CUL3: variants seen among roughly 807,000 people sequenced by gnomAD.
CUL3 encodes cullin 3, also known as cullin-3.
A neutral mutation model predicts 89.1 loss-of-function variants in CUL3; 19 were observed. That is an observed-to-expected ratio of 0.21 (90% confidence interval 0.15 to 0.31). CUL3 has a LOEUF of 0.31. Among genes scored for constraint, CUL3 ranks in the 10% least tolerant of loss-of-function variants. The pLI is 1.00. For missense variants in CUL3, 469 were observed against 942.3 expected, an observed-to-expected ratio of 0.50 and a Z score of 6.58; for synonymous variants, 351 against 308.4, an observed-to-expected ratio of 1.14 and a Z score of -1.45.
intron 13 of CUL3, among the ~76,000 whole-genome samples, chr2:224,493,965 A>G (rs553003088): frequency 6.6e-6 from 1 of 152,296 alleles, no homozygotes; most frequent in South Asian, 2.1e-4. Flanking sequence ...ATAAAATAAA[A>G]ATAAAAGTAA....
intron 3 of CUL3, among the ~76,000 whole-genome samples, chr2:224,519,413 A>T (rs1693181149): frequency 6.6e-6 from 1 of 152,230 alleles, no homozygotes; most frequent in Admixed American, 6.5e-5. Flanking sequence ...TGGAAGGTGT[A>T]GGCAGAACAC....
rs2106133050 is a variant in CUL3 at position 224,474,279 on chromosome 2, G to T, written c.2273C>A (p.Pro758His). Residue 758 changes from proline to histidine, a missense_variant, in exon 16 of 16, where the codon CCT becomes CAT. Transcript: ENST00000264414. ...ATATGTGTATACTTTGCGATCCTCA[G>T]GTGTTCGTGCCAAATATTCTCTCTC... The part of the protein sequence containing the change: ...LIEREYLART[P>H]EDRKVYTYVA 1 of 1,613,788 alleles carries T rather than the reference G, an allele frequency of 6.2e-7. No individual in the cohort carries two copies. Among genetic ancestry groups the T allele is most frequent in the East Asian group, 2.2e-5 (1 of 44,876 alleles).
intron 3 of CUL3, among the ~76,000 whole-genome samples, chr2:224,532,251 A>C (rs1693723503): frequency 6.6e-6 from 1 of 152,206 alleles, no homozygotes; most frequent in Non-Finnish European, 1.5e-5. Context: ...AAGAGAGTGT[A>C]CCATGAGAAG....
chr2:224,573,130 A>G (rs1421416589), intron 1 of CUL3, among the ~76,000 whole-genome samples: 1 of 152,208 alleles, frequency 6.6e-6, no homozygotes, highest in Non-Finnish European at 1.5e-5. Context: ...TTATTACTAG[A>G]GAATTTAATC....
intron 1 of CUL3, among the ~76,000 whole-genome samples, chr2:224,577,415 A>G (rs80236857): frequency 0.27 from 41,306 of 151,952 alleles, 6,208 homozygotes; most frequent in Middle Eastern, 0.4. Flanking sequence ...AAAAATACAA[A>G]AAAATTAGCC....
In CUL3 at chr2:224,474,338, T is replaced by C. The variant is rs752027394; in HGVS notation, c.2214A>G (p.Pro738=). ...CTTCAATACGTTTCTTAATAACAAC[T>C]GGACTTGGTAAGAATCGCGCCTTCA... ...QQLKARFLPS[P]VVIKKRIEGL... The change falls in exon 16 of 16, where the codon CCA becomes CCG. Residue 738 remains proline, a synonymous_variant. Coordinates refer to ENST00000264414, the MANE Select transcript of CUL3 (RefSeq NM_003590.5). 7.4e-6 allele frequency: 12 copies of C among 1,613,788 alleles called. No homozygotes were observed. In the Admixed American group the frequency reaches 1.7e-4, roughly 22 times the overall value.
chr2:224,514,804 GTTC>G (rs1692976000), intron 3 of CUL3, 32 bp from the exon 4 acceptor site: 1 of 1,437,108 alleles, frequency 7.0e-7, no homozygotes, highest in Non-Finnish European at 9.7e-7. Flanking sequence ...TATGAGTACA[GTTC>G]TTGTGAGCAT....
At chr2:224,534,809 C>T (rs1002377457) in intron 3 of CUL3, among the ~76,000 whole-genome samples, 4 of 151,302 alleles carry the variant, frequency 2.6e-5, no homozygotes, top group Admixed American at 1.3e-4. Context: ...GGTGAAACCC[C>T]GTCTCTACTA....
chr2:224,495,684 G>T, intron 13 of CUL3, 148 bp downstream of exon 13: 1 of 583,996 alleles, frequency 1.7e-6, no homozygotes, highest in Non-Finnish European at 3.0e-6. Context: ...CATGTATGAT[G>T]TTCATACAGT....
intron 9 of CUL3, 146 bp from the exon 10 acceptor site, chr2:224,503,218 A>ATCAAACTT: frequency 1.6e-6 from 1 of 637,238 alleles, no homozygotes; most frequent in Non-Finnish European, 2.7e-6. Context: ...GCCTGTGGTT[A>ATCAAACTT]TCAAACTTTA....
chr2:224,481,782 C>T (rs1691547436), intron 14 of CUL3, 110 bp downstream of exon 14: 7 of 675,798 alleles, frequency 1.0e-5, no homozygotes, highest in Non-Finnish European at 1.6e-5. Context: ...GCCTAAGTAT[C>T]ATGCAGCACC....
At position 224,513,508 on chromosome 2, in the gene CUL3, C is replaced by T; in HGVS notation, c.654+16G>A. 4.4e-6 allele frequency: 6 copies of T among 1,366,066 alleles called. No homozygotes were observed. Among genetic ancestry groups the T allele is most frequent in the Non-Finnish European group, 6.2e-6 (6 of 972,640 alleles). 84.6% of individuals were successfully genotyped at this position (1,366,066 alleles called of 1,614,324 possible). ...AACATCTTAAAAGATTATTTATTTA[C>T]ATTTTCACGGATTACCTGAAAAAAT... On this transcript the variant is annotated intron_variant, in intron 5 of 15. Transcript: ENST00000264414.
At chr2:224,511,267 T>C (rs987568993) in intron 6 of CUL3, 87 bp downstream of exon 6, 24 of 918,142 alleles carry the variant, frequency 2.6e-5, no homozygotes, top group Non-Finnish European at 3.8e-5. Flanking sequence ...TGAAAGCTGA[T>C]ATTATCTGCT....
intron 13 of CUL3, among the ~76,000 whole-genome samples, chr2:224,482,588 GA>G (rs1203272969): frequency 1.6e-4 from 23 of 141,806 alleles, no homozygotes; most frequent in Admixed American, 3.5e-4. Flanking sequence ...ACCAAATGAA[GA>G]AAAAAAAAAA....
chr2:224,483,873 C>T (rs1296072924), intron 13 of CUL3, among the ~76,000 whole-genome samples: 1 of 152,186 alleles, frequency 6.6e-6, no homozygotes, highest in African/African-American at 2.4e-5. Context: ...TAGAAATGCA[C>T]TTGCTTCCTC....
chr2:224,542,964 G>A (rs1384482057), intron 2 of CUL3, among the ~76,000 whole-genome samples: 1 of 152,146 alleles, frequency 6.6e-6, no homozygotes, highest in Non-Finnish European at 1.5e-5. Flanking sequence ...TAGCTGGAGA[G>A]CTGAAGGACA....
At chr2:224,547,238 T>C (rs1026896852) in intron 2 of CUL3, among the ~76,000 whole-genome samples, 2 of 152,218 alleles carry the variant, frequency 1.3e-5, no homozygotes, top group South Asian at 2.1e-4. Flanking sequence ...TCCCCTACAA[T>C]GGTTTTCAAA....
At chr2:224,507,685 C>CT (rs1692652078) in intron 6 of CUL3, among the ~76,000 whole-genome samples, 1 of 152,086 alleles carries the variant, frequency 6.6e-6, no homozygotes, top group African/African-American at 2.4e-5. Flanking sequence ...TCTCACTATA[C>CT]TTTTTAAATT....
intron 3 of CUL3, among the ~76,000 whole-genome samples, chr2:224,530,405 T>C (rs1693652619): frequency 6.6e-6 from 1 of 151,968 alleles, no homozygotes; most frequent in Non-Finnish European, 1.5e-5. Flanking sequence ...TAGTTGGTAA[T>C]ATAACCTAAG....
Sources: allele counts gnomAD v4.1 joint callset (sites outside exome capture counted in the v4.1 genomes callset), GRCh38; gene constraint gnomAD v4.1.1; transcripts MANE v1.5; gene names NCBI Gene and HGNC (gene_info 2026-07-23, HGNC 2026-07-21).